The following KIAA1958 variants were observed in gnomAD, a reference collection of about 807,000 sequenced individuals.
KIAA1958 encodes the protein KIAA1958, also known as uncharacterized protein KIAA1958.
Under a neutral mutation model 47.2 loss-of-function variants are expected in KIAA1958, and 14 were observed. That is an observed-to-expected ratio of 0.30 (90% CI 0.20 to 0.46). The LOEUF is 0.46. Ranked by LOEUF, KIAA1958 falls within the 20% of genes least tolerant of loss-of-function variation. The pLI is 1.00. For synonymous variants in KIAA1958, 354 were observed against 353.3 expected (o/e 1.00, Z -0.02); for missense variants, 803 against 909.2 (o/e 0.88, Z 1.50).
chr9:112,525,686 C>T (rs1227155960), intron 1 of KIAA1958, among the ~76,000 whole-genome samples: 1 of 151,948 alleles, frequency 6.6e-6, no homozygotes, highest in Non-Finnish European at 1.5e-5. Flanking sequence ...ATGTAATTTT[C>T]TAGTCCTCAT....
intron 1 of KIAA1958, among the ~76,000 whole-genome samples, chr9:112,488,979 T>C (rs1407752931): frequency 6.6e-6 from 1 of 152,230 alleles, no homozygotes; most frequent in East Asian, 1.9e-4. Flanking sequence ...TCCTTTTTAG[T>C]TGATAAAATT....
At chr9:112,500,514 A>G (rs1461112943) in intron 1 of KIAA1958, among the ~76,000 whole-genome samples, 2 of 148,920 alleles carry the variant, frequency 1.3e-5, no homozygotes, top group East Asian at 3.9e-4. Flanking sequence ...GGTCTCGAAC[A>G]CCTGGGCTTG....
chr9:112,589,089 G>A lies in KIAA1958; in HGVS notation c.1171+13838G>A, dbSNP rs75453738. On this transcript the variant is annotated intron_variant, in intron 2 of 3. Coordinates refer to ENST00000337530, the MANE Select transcript of KIAA1958 (RefSeq NM_133465.4). ...GCCACCGTGCCCAGCTCTCTAATAT[G>A]ATTGAAAGAGATCCGCAATGCTTGT... 6.3e-3 allele frequency among the ~76,000 whole-genome samples: 953 copies of A among 152,238 alleles called. 5 individuals carry two copies. The highest frequency in any genetic ancestry group is 8.5e-3 in the Non-Finnish European group (580 of 68,014).
chr9:112,542,121 C>T (rs1329929017), intron 1 of KIAA1958, among the ~76,000 whole-genome samples: 1 of 152,028 alleles, frequency 6.6e-6, no homozygotes, highest in African/African-American at 2.4e-5. Flanking sequence ...TGATATTTGT[C>T]ATATTTTAAA....
chr9:112,650,068 ACT>A (rs954795751), intron 3 of KIAA1958, among the ~76,000 whole-genome samples: 7 of 151,980 alleles, frequency 4.6e-5, no homozygotes, highest in South Asian at 2.1e-4. Flanking sequence ...AAGAAAAAAA[ACT>A]CTCATTAGAA....
intron 2 of KIAA1958, among the ~76,000 whole-genome samples, chr9:112,635,186 C>T (rs1588048773): frequency 6.7e-6 from 1 of 149,766 alleles, no homozygotes; most frequent in South Asian, 2.1e-4. Flanking sequence ...CCATCTGAAC[C>T]TGAAGTTTTA....
At chr9:112,629,448 AAG>A (rs1366728397) in intron 2 of KIAA1958, among the ~76,000 whole-genome samples, 1 of 152,194 alleles carries the variant, frequency 6.6e-6, no homozygotes, top group African/African-American at 2.4e-5. Flanking sequence ...TAGTTTGTGA[AAG>A]AGGAGAAAGG....
chr9:112,617,647 T>C (rs147283870), intron 2 of KIAA1958, among the ~76,000 whole-genome samples: 256 of 152,254 alleles, frequency 1.7e-3, no homozygotes, highest in Middle Eastern at 6.8e-3. Context: ...AGGAAGCTCG[T>C]TTTGCTTGTA....
At chr9:112,501,150 T>C (rs1253452295) in intron 1 of KIAA1958, among the ~76,000 whole-genome samples, 1 of 151,492 alleles carries the variant, frequency 6.6e-6, no homozygotes, top group Non-Finnish European at 1.5e-5. Flanking sequence ...CAAAAAACTT[T>C]TTTTTTTCAA....
intron 2 of KIAA1958, among the ~76,000 whole-genome samples, chr9:112,617,635 A>T (rs1280770873): frequency 6.6e-6 from 1 of 152,192 alleles, no homozygotes; most frequent in African/African-American, 2.4e-5. Flanking sequence ...TGCCCGTGAC[A>T]TAGGAAGCTC....
chr9:112,660,101 A>C lies in KIAA1958; in HGVS notation c.*32A>C. 2 of 1,589,810 alleles carry C rather than the reference A, an allele frequency of 1.3e-6. 1 individual carries two copies. Among genetic ancestry groups the C allele is most frequent in the African/African-American group, 2.7e-5 (2 of 74,684 alleles). On this transcript the variant is annotated 3_prime_UTR_variant, in exon 4 of 4. Coordinates refer to ENST00000337530, the MANE Select transcript of KIAA1958 (RefSeq NM_133465.4). ...ACTGGGGCCCGGCCACTGCCCTGTC[A>C]CCTGCTCGGGCCAGCCAGGGTTGGA...
chr9:112,618,826 C>A lies in KIAA1958; in HGVS notation c.1172-26824C>A. The A allele has an allele frequency of 6.4e-7, 1 of 1,550,566 alleles. No individual in the cohort carries two copies. The highest frequency in any genetic ancestry group is 8.7e-7 in the Non-Finnish European group (1 of 1,146,948). ...TCGTGCTGATCTGTAACAATCTGAG[C>A]CAGCAGGCTGCCCAGTCAGTGGCCG... is the stretch of plus-strand genomic sequence containing the variant. On this transcript the variant is annotated intron_variant, in intron 2 of 3. Coordinates refer to ENST00000337530, the MANE Select transcript of KIAA1958 (RefSeq NM_133465.4). The surrounding 1 kb of genome is among the most constrained non-coding windows in gnomAD (Gnocchi z 7.1).
intron 1 of KIAA1958, among the ~76,000 whole-genome samples, chr9:112,570,492 G>T (rs1224666882): frequency 2.0e-5 from 3 of 152,204 alleles, no homozygotes; most frequent in Non-Finnish European, 4.4e-5. Flanking sequence ...TTGCTTGGCT[G>T]CTGCAGTTAA....
In KIAA1958 at chr9:112,547,146, G is replaced by A. The variant is rs1835051620; in HGVS notation, c.-24-26911G>A. On this transcript the variant is annotated intron_variant, in intron 1 of 3. Coordinates refer to ENST00000337530, the MANE Select transcript of KIAA1958 (RefSeq NM_133465.4). ...AATCCCAGCATTTTGGGAGGCCGAG[G>A]CGGGTAGATCACCTGCGACCAGGAG... Among the ~76,000 whole-genome samples, 5 of 151,906 alleles carry A rather than the reference G, an allele frequency of 3.3e-5. No homozygotes were observed. In the South Asian group the frequency reaches 1.0e-3, roughly 32 times the overall value.
chr9:112,517,635 T>G (rs901068245), intron 1 of KIAA1958, among the ~76,000 whole-genome samples: 2 of 152,208 alleles, frequency 1.3e-5, no homozygotes, highest in Admixed American at 6.5e-5. Context: ...CAGAAGATAC[T>G]ATTAAGAGAA....
intron 1 of KIAA1958, among the ~76,000 whole-genome samples, chr9:112,513,026 A>T (rs1320773600): frequency 9.6e-6 from 1 of 104,168 alleles, no homozygotes; most frequent in East Asian, 2.8e-4. Context: ...TTTTTTTGAG[A>T]TGGAGTCTTG....
At position 112,660,063 on chromosome 9, in the gene KIAA1958, C is replaced by T; in HGVS notation, c.2145C>T (p.Cys715=). 2 of 1,612,086 alleles carry T rather than the reference C, an allele frequency of 1.2e-6. No homozygotes were observed. The highest frequency in any genetic ancestry group is 1.7e-6 in the Non-Finnish European group (2 of 1,179,618). Residue 715 remains cysteine (C), a synonymous_variant, in exon 4 of 4, where the codon TGC becomes TGT. Coordinates refer to ENST00000337530, the MANE Select transcript of KIAA1958 (RefSeq NM_133465.4). ...VSRRLGSHSC[C]Q is the part of the protein sequence containing the mutation. ...GGAGGCTTGGCTCCCACAGCTGCTG[C>T]CAGTGAGCCCCCACTGGGGCCCGGC... is the stretch of plus-strand genomic sequence containing the variant.
At chr9:112,647,010 A>C (rs547644266) in intron 3 of KIAA1958, among the ~76,000 whole-genome samples, 2 of 152,210 alleles carry the variant, frequency 1.3e-5, no homozygotes, top group Non-Finnish European at 2.9e-5. Context: ...TTGAAGCCCA[A>C]GGGCAAGTGA....
At chr9:112,655,804 C>T (rs1837140980) in intron 3 of KIAA1958, among the ~76,000 whole-genome samples, 2 of 152,192 alleles carry the variant, frequency 1.3e-5, no homozygotes, top group Non-Finnish European at 2.9e-5. Flanking sequence ...GGCCTCATCT[C>T]AGTAATAGCT....
Sources: gnomAD v4.1 joint callset for allele counts (sites outside exome capture counted in the v4.1 genomes callset) on GRCh38, gnomAD v4.1.1 for gene constraint, Gnocchi (gnomAD v3.1) non-coding constraint, MANE v1.5 for transcripts, NCBI Gene and HGNC (gene_info 2026-07-23, HGNC 2026-07-21) for gene names.